Variants in TTC7A observed in about 807,000 individuals in gnomAD.
The protein encoded by TTC7A is tetratricopeptide repeat protein 7A.
Under a neutral mutation model 103.7 loss-of-function variants are expected in TTC7A, and 110 were observed. That is an observed-to-expected ratio of 1.06 (90% CI 0.91 to 1.24). The LOEUF is 1.24. Ranked by LOEUF, TTC7A falls within the 50% of genes most tolerant of loss-of-function variation. The pLI is 0.00. For synonymous variants in TTC7A, 521 were observed against 467.9 expected, an observed-to-expected ratio of 1.11 and a Z score of -1.47; for missense variants, 1,340 against 1,116.3, an observed-to-expected ratio of 1.20 and a Z score of -2.86.
At chr2:47,071,401 C>G (rs1424479812) in intron 19 of TTC7A, among the ~76,000 whole-genome samples, 2 of 152,164 alleles carry the variant, frequency 1.3e-5, no homozygotes, top group Non-Finnish European at 2.9e-5. Flanking sequence ...CTCCCAGCTT[C>G]TAGAGAGATC....
chr2:47,000,685 G>GT (rs1676718973), intron 8 of TTC7A, among the ~76,000 whole-genome samples: 1 of 152,196 alleles, frequency 6.6e-6, no homozygotes, highest in African/African-American at 2.4e-5. Flanking sequence ...CAGGTGCTGG[G>GT]TACAGATACT....
intron 2 of TTC7A, among the ~76,000 whole-genome samples, chr2:46,954,600 C>T (rs1671687521): frequency 7.6e-6 from 1 of 131,104 alleles, no homozygotes; most frequent in Non-Finnish European, 1.5e-5. Flanking sequence ...ACAACGGAGT[C>T]TCGCTCTGTC....
At chr2:47,051,912 C>A in intron 18 of TTC7A, 32 bp downstream of exon 18, 1 of 1,582,190 alleles carries the variant, frequency 6.3e-7, no homozygotes, top group African/African-American at 1.3e-5. Flanking sequence ...ACACACACAG[C>A]CTGTCTGCAG....
intron 3 of TTC7A, among the ~76,000 whole-genome samples, chr2:46,973,324 C>T (rs965002034): frequency 3.9e-5 from 6 of 152,114 alleles, no homozygotes; most frequent in African/African-American, 7.2e-5. Flanking sequence ...CCAAGAGTGG[C>T]ATGAGAGAGA....
intron 8 of TTC7A, among the ~76,000 whole-genome samples, chr2:46,998,576 C>T (rs1572860490): frequency 6.6e-6 from 1 of 152,276 alleles, no homozygotes; most frequent in South Asian, 2.1e-4. Flanking sequence ...TGGGGAGAAA[C>T]CTCTAGAACA....
chr2:46,938,017 G>A (rs1670066028), upstream of TTC7A, among the ~76,000 whole-genome samples: 1 of 152,116 alleles, frequency 6.6e-6, no homozygotes, highest in Admixed American at 6.6e-5. Flanking sequence ...TCTTGAAGCA[G>A]AGGTGATGGG....
At chr2:47,014,673 C>T (rs1037511220) in intron 11 of TTC7A, among the ~76,000 whole-genome samples, 4 of 152,250 alleles carry the variant, frequency 2.6e-5, no homozygotes, top group East Asian at 1.9e-4. Flanking sequence ...ACACCCCCTT[C>T]GTCTCCTGCC....
At chr2:46,943,472 T>C (rs541708724) in intron 1 of TTC7A, among the ~76,000 whole-genome samples, 12 of 152,194 alleles carry the variant, frequency 7.9e-5, no homozygotes, top group African/African-American at 2.4e-4. Flanking sequence ...TTTTGGGGTC[T>C]GTGAATGATT....
At chr2:47,002,997 C>T (rs531768472) in intron 8 of TTC7A, among the ~76,000 whole-genome samples, 84 of 152,252 alleles carry the variant, frequency 5.5e-4, no homozygotes, top group African/African-American at 2.0e-3. Flanking sequence ...CTGCTGCTGC[C>T]GCTGCTGCTA....
intron 14 of TTC7A, among the ~76,000 whole-genome samples, chr2:47,025,265 C>T (rs1167591578): frequency 6.6e-6 from 1 of 152,186 alleles, no homozygotes; most frequent in Admixed American, 6.5e-5. Flanking sequence ...GAAGCCCTAC[C>T]TTCTGAGGAG....
At position 47,046,395 on chromosome 2, in the gene TTC7A, G is replaced by A; in HGVS notation, c.1883G>A (p.Arg628Lys). 1 of 1,614,196 alleles carries A rather than the reference G, an allele frequency of 6.2e-7. No homozygotes were observed. Among genetic ancestry groups the A allele is most frequent in the South Asian group, 1.1e-5 (1 of 91,086 alleles). The change falls in exon 16 of 20, where the codon AGG becomes AAG. Residue 628 changes from arginine (R) to lysine (K), a missense_variant. By Grantham distance (26) the Arg-to-Lys change is conservative (BLOSUM62 2). Coordinates refer to ENST00000319190, the MANE Select transcript of TTC7A (RefSeq NM_020458.4). ...CTCGTGACCTGCAGACAAGTGCTGA[G>A]GCTGTGGCAGACCCTGTACAGCTTC... ...EALVTCRQVLRLWQTLYSFSQ... is the reference protein window; with the variant it reads ...EALVTCRQVLKLWQTLYSFSQ...
chr2:46,995,054 G>A (rs778583245), intron 7 of TTC7A, 82 bp from the exon 8 acceptor site: 15 of 1,363,326 alleles, frequency 1.1e-5, no homozygotes, highest in Non-Finnish European at 1.6e-5. Flanking sequence ...CTGACTCTGG[G>A]GCAGAAGGCT....
chr2:47,033,981 C>G (rs964506151), intron 15 of TTC7A, among the ~76,000 whole-genome samples: 5 of 152,240 alleles, frequency 3.3e-5, no homozygotes, highest in African/African-American at 1.2e-4. Flanking sequence ...CGGAGAAAAC[C>G]CGGCTTTCGT....
chr2:47,071,860 C>T (rs1213583450), intron 19 of TTC7A, among the ~76,000 whole-genome samples: 6 of 152,184 alleles, frequency 3.9e-5, no homozygotes, highest in African/African-American at 1.2e-4. Flanking sequence ...AAACAGAATC[C>T]CATGTGGAAG....
At position 46,932,565 on chromosome 2, in the gene TTC7A, A is replaced by G. The variant is rs1238276696; in HGVS notation, c.82+15288A>G. 2.0e-5 allele frequency among the ~76,000 whole-genome samples: 3 copies of G among 152,118 alleles called. No homozygotes were observed. The South Asian group carries it at 6.2e-4, about 31-fold the overall frequency. On this transcript the variant is annotated intron_variant, in intron 2 of 20. Transcript: ENST00000409245. ...CAACAAAAAATGTTTTTAAAAGAGA[A>G]GAAAAAGAGGAAGAAAAGAAAGAGA...
intron 15 of TTC7A, among the ~76,000 whole-genome samples, chr2:47,042,965 C>A (rs1176211111): frequency 1.3e-5 from 2 of 152,226 alleles, no homozygotes; most frequent in African/African-American, 2.4e-5. Context: ...CAGCTTCCCC[C>A]AGGAGTCACA....
chr2:46,986,533 T>C (rs1358958861), intron 5 of TTC7A, among the ~76,000 whole-genome samples: 1 of 131,648 alleles, frequency 7.6e-6, no homozygotes, highest in African/African-American at 2.9e-5. Context: ...GGCAGAGAGG[T>C]GGGGGTGCTG....
rs371779856 is a variant in TTC7A at position 46,957,867 on chromosome 2, A to C, written c.517+860A>C. Among the ~76,000 whole-genome samples the C allele has an allele frequency of 2.4e-4, 37 of 152,302 alleles. No individual in the cohort carries two copies. In the East Asian group the frequency reaches 4.4e-3, roughly 18 times the overall value. ...CAACCTCCAGAGAAAAGTCTAGAAA[A>C]GATGCCTGTGGCTCAGTGGGCATTT... On this transcript the variant is annotated intron_variant, in intron 3 of 19. Transcript: ENST00000319190.
intron 5 of TTC7A, among the ~76,000 whole-genome samples, chr2:46,980,842 C>T (rs1674376600): frequency 6.6e-6 from 1 of 152,196 alleles, no homozygotes; most frequent in Non-Finnish European, 1.5e-5. Flanking sequence ...GTTGCCAGAG[C>T]AGCTCATGGA....
Sources: allele counts gnomAD v4.1 joint callset (sites outside exome capture counted in the v4.1 genomes callset), GRCh38; gene constraint gnomAD v4.1.1; transcripts MANE v1.5; gene names NCBI Gene and HGNC (gene_info 2026-07-23, HGNC 2026-07-21).